ASAH2: variants seen among roughly 807,000 people sequenced by gnomAD.
The protein encoded by ASAH2 is neutral ceramidase.
Under a neutral mutation model 82.9 loss-of-function variants are expected in ASAH2, and 58 were observed. The observed-to-expected ratio is 0.70, with a 90% confidence interval of 0.57 to 0.87. ASAH2 has a LOEUF of 0.87. Among genes scored for constraint, ASAH2 ranks in the 40% least tolerant of loss-of-function variants. The pLI, the probability that ASAH2 is intolerant of heterozygous loss-of-function variation, is 0.00. For synonymous variants in ASAH2, 276 were observed against 289.7 expected (o/e 0.95, Z 0.48); for missense variants, 779 against 834.0 (o/e 0.93, Z 0.81).
intron 12 of ASAH2, among the ~76,000 whole-genome samples, chr10:50,210,119 A>T (rs957564071): frequency 6.6e-6 from 1 of 152,164 alleles, no homozygotes; most frequent in Non-Finnish European, 1.5e-5. Context: ...CATAATAACC[A>T]AAACATGGGA....
At position 50,236,014 on chromosome 10, in the gene ASAH2, A is replaced by G; in HGVS notation, c.561T>C (p.Asn187=). The G allele has an allele frequency of 6.2e-7, 1 of 1,613,326 alleles. No individual in the cohort carries two copies. The highest frequency in any genetic ancestry group is 8.5e-7 in the Non-Finnish European group (1 of 1,179,420). Reference sequence around the variant, plus strand: ...GAGTGTGAGTGCCACTCAGGATGACATTATCTCTTCTGTACAGGGAGCCAT... The same window carrying G: ...GAGTGTGAGTGCCACTCAGGATGACGTTATCTCTTCTGTACAGGGAGCCAT... The part of the protein sequence containing the change: ...SKYGSLYRRD[N]VILSGTHTHS... Residue 187 remains asparagine, a synonymous_variant, in exon 5 of 21, where the codon AAT becomes AAC. Coordinates refer to ENST00000682911, the MANE Select transcript of ASAH2 (RefSeq NM_019893.4).
In ASAH2 at chr10:50,217,229, C is replaced by CTTT. The variant is rs878958733; in HGVS notation, c.1014+1278_1014+1280dup. 1.0e-4 allele frequency among the ~76,000 whole-genome samples: 14 copies of CTTT among 136,892 alleles called. 1 individual carries two copies. Among genetic ancestry groups the CTTT allele is most frequent in the African/African-American group, 1.6e-4 (6 of 36,906 alleles). The allele number at this position is 136,892 out of a possible 152,430, so 89.8% of individuals were successfully genotyped here. A position where few individuals can be genotyped will look rare whatever the true frequency, so the allele number is the denominator to read the frequency against. ...CATCCTAGTTCCTCTTGTTTTCTTT[C>CTTT]TTTTTTTTTTTTTTTTGAGACGGAG... On this transcript the variant is annotated intron_variant, in intron 8 of 20. Coordinates refer to ENST00000682911, the MANE Select transcript of ASAH2 (RefSeq NM_019893.4).
intron 1 of ASAH2, among the ~76,000 whole-genome samples, chr10:50,250,504 T>A (rs1382458102): frequency 6.6e-6 from 1 of 151,994 alleles, no homozygotes; most frequent in Non-Finnish European, 1.5e-5. Context: ...TTTCCAGGAG[T>A]CAGGAAACAC....
chr10:50,206,037 G>T lies in ASAH2; in HGVS notation c.1475C>A (p.Ser492Tyr). The change falls in exon 13 of 21, where the codon TCT becomes TAT. Residue 492 changes from serine to tyrosine, a missense_variant. Physicochemically the swap from Ser to Tyr is moderately radical, Grantham distance 144 (BLOSUM62 -2). Transcript: ENST00000682911. The stretch of plus-strand genomic sequence containing the variant: ...TTTATGACATTCTTTAATTTCTTCA[G>T]ATGGCTTTCCCAGGATCTGGTCCCG... ...TIRDQILGKP[S>Y]EEIKECHKPK... The T allele has an allele frequency of 6.2e-7, 1 of 1,612,630 alleles. No individual in the cohort carries two copies.
chr10:50,248,434 A>G (rs1263612776), intron 2 of ASAH2, 50 bp downstream of exon 2: 1 of 1,598,626 alleles, frequency 6.3e-7, no homozygotes, highest in South Asian at 1.1e-5. Context: ...GTAATCAAGA[A>G]GTTTCATACA....
intron 16 of ASAH2, among the ~76,000 whole-genome samples, chr10:50,199,482 A>G (rs1472580893): frequency 1.3e-5 from 2 of 151,734 alleles, no homozygotes; most frequent in Non-Finnish European, 2.9e-5. Context: ...ATATATCAGA[A>G]GAAAAATAAA....
At chr10:50,236,519 C>A (rs996611734) in intron 4 of ASAH2, among the ~76,000 whole-genome samples, 3 of 151,978 alleles carry the variant, frequency 2.0e-5, no homozygotes, top group African/African-American at 7.2e-5. Flanking sequence ...GAGATTTGGG[C>A]GGAGACACAG....
chr10:50,219,643 TTCC>T (rs1845692469), intron 7 of ASAH2, among the ~76,000 whole-genome samples: 2 of 152,384 alleles, frequency 1.3e-5, no homozygotes, highest in South Asian at 4.1e-4. Context: ...TTTGCTTACA[TTCC>T]TACCTAAGCA....
In ASAH2 at chr10:50,204,922, C is replaced by T; in HGVS notation, c.1564G>A (p.Val522Ile). ...CCAAGGGTAATAATCTGAACATCAA[C>T]AATGTCTGGATGCCAGGGGTGAGGT... The part of the protein sequence containing the change: ...SKPHPWHPDI[V>I]DVQIITLGSL... The change falls in exon 14 of 21, where the codon GTT (valine) becomes ATT (isoleucine). Residue 522 changes from valine (V) to isoleucine (I), a missense_variant. Physicochemically the swap from Val to Ile is conservative, Grantham distance 29 (BLOSUM62 3). Coordinates refer to ENST00000682911, the MANE Select transcript of ASAH2 (RefSeq NM_019893.4). The T allele has an allele frequency of 6.2e-6, 10 of 1,611,490 alleles. No homozygotes were observed. The highest frequency in any genetic ancestry group is 2.2e-5 in the East Asian group (1 of 44,838).
At chr10:50,236,184 C>T in intron 4 of ASAH2, 120 bp from the exon 5 acceptor site, 1 of 883,728 alleles carries the variant, frequency 1.1e-6, no homozygotes, top group Non-Finnish European at 1.9e-6. Context: ...AGTCCATTCT[C>T]ATGCTGCTAA....
In ASAH2 at chr10:50,187,114, T is replaced by TCACACACACACA. The variant is rs1844768000; in HGVS notation, c.*200_*201insTGTGTGTGTGTG. On this transcript the variant is annotated 3_prime_UTR_variant, in exon 21 of 21. Coordinates refer to ENST00000682911, the MANE Select transcript of ASAH2 (RefSeq NM_019893.4). ...CTCTCTCTCTCTCTCTCTCTCTCTC[T>TCACACACACACA]CTCTCACACACACACACACACACAC... 3.8e-6 allele frequency: 1 copy of TCACACACACACA among 260,904 alleles called. No homozygotes were observed. The highest frequency in any genetic ancestry group is 7.0e-6 in the Non-Finnish European group (1 of 142,556). 16.2% of individuals were successfully genotyped at this position (260,904 alleles called of 1,614,324 possible). A position where few individuals can be genotyped will look rare whatever the true frequency, so the allele number is the denominator to read the frequency against.
chr10:50,250,108 C>T (rs1437157386), intron 1 of ASAH2, among the ~76,000 whole-genome samples: 4 of 152,176 alleles, frequency 2.6e-5, no homozygotes, highest in Admixed American at 1.3e-4. Flanking sequence ...TATGATGACA[C>T]TGAGCCAGCA....
chr10:50,248,724 T>C, intron 1 of ASAH2, 78 bp from the exon 2 acceptor site: 2 of 1,110,334 alleles, frequency 1.8e-6, no homozygotes, highest in South Asian at 1.6e-5. Context: ...CTCTTTCATA[T>C]TAATAGACTA....
At chr10:50,207,387 C>T (rs1845327835) in intron 12 of ASAH2, among the ~76,000 whole-genome samples, 1 of 151,872 alleles carries the variant, frequency 6.6e-6, no homozygotes, top group South Asian at 2.1e-4. Flanking sequence ...AAACCAAAAG[C>T]TGGTTTTTTG....
chr10:50,230,810 G>A (rs1212066923), intron 7 of ASAH2, among the ~76,000 whole-genome samples: 2 of 152,084 alleles, frequency 1.3e-5, no homozygotes, highest in Non-Finnish European at 1.5e-5. Context: ...GGAAGGCCGA[G>A]GTGGAGGATC....
At chr10:50,194,680 C>T (rs570923340) in intron 18 of ASAH2, among the ~76,000 whole-genome samples, 3 of 150,882 alleles carry the variant, frequency 2.0e-5, no homozygotes, top group African/African-American at 7.3e-5. Flanking sequence ...CTATAGTAAT[C>T]AACACAGCAT....
At chr10:50,230,311 C>T (rs1845990253) in intron 7 of ASAH2, among the ~76,000 whole-genome samples, 1 of 152,114 alleles carries the variant, frequency 6.6e-6, no homozygotes, top group East Asian at 1.9e-4. Context: ...GTCACATCAC[C>T]TTTCTAGGCC....
At chr10:50,237,593 C>A (rs1485773161) in intron 4 of ASAH2, among the ~76,000 whole-genome samples, 2 of 152,128 alleles carry the variant, frequency 1.3e-5, no homozygotes, top group Non-Finnish European at 2.9e-5. Context: ...ACAACTAATA[C>A]AAAGAGACTC....
intron 17 of ASAH2, among the ~76,000 whole-genome samples, chr10:50,197,520 C>T (rs1845017782): frequency 6.6e-6 from 1 of 151,850 alleles, no homozygotes; most frequent in Non-Finnish European, 1.5e-5. Context: ...TAGGTTGGTA[C>T]AAAAGTAATT....
Sources: allele counts gnomAD v4.1 joint callset (sites outside exome capture counted in the v4.1 genomes callset), GRCh38; gene constraint gnomAD v4.1.1; transcripts MANE v1.5; gene names NCBI Gene and HGNC (gene_info 2026-07-23, HGNC 2026-07-21).